The following SBF2 variants were observed in gnomAD, a reference collection of about 807,000 sequenced individuals.
SBF2 encodes the protein myotubularin-related protein 13.
A neutral mutation model predicts 225.2 loss-of-function variants in SBF2; 112 were observed. The observed-to-expected ratio is 0.50, with a 90% CI of 0.43 to 0.58. SBF2 has a LOEUF of 0.58. SBF2 is among the 20% of genes least tolerant of loss of function. The pLI, the probability that SBF2 is intolerant of heterozygous loss-of-function variation, is 0.00. For synonymous variants in SBF2, 763 were observed against 773.3 expected (o/e 0.99, Z 0.22); for missense variants, 1,996 against 2,206.2 (o/e 0.90, Z 1.91).
chr11:10,177,476 T>A (rs924597224), intron 2 of SBF2, among the ~76,000 whole-genome samples: 3 of 150,606 alleles, frequency 2.0e-5, no homozygotes, highest in African/African-American at 7.4e-5. Flanking sequence ...CTTAAGCTGA[T>A]AAGCAACTTC....
chr11:9,816,745 A>C, intron 29 of SBF2, 95 bp downstream of exon 29: 1 of 1,215,358 alleles, frequency 8.2e-7, no homozygotes, highest in Non-Finnish European at 1.2e-6. Context: ...ATCATGCTGT[A>C]AAAAAAATTC....
At chr11:9,826,574 T>C (rs560141178) in intron 28 of SBF2, among the ~76,000 whole-genome samples, 1 of 152,068 alleles carries the variant, frequency 6.6e-6, no homozygotes, top group East Asian at 1.9e-4. Context: ...AGGGCCAATA[T>C]GTAAAAGTGG....
intron 1 of SBF2, among the ~76,000 whole-genome samples, chr11:10,276,099 G>C (rs150939131): frequency 1.5e-3 from 229 of 152,116 alleles, no homozygotes; most frequent in African/African-American, 5.4e-3. Context: ...TTACTGATGA[G>C]GGGAAAAATT....
At chr11:9,860,110 G>A (rs1273153752) in intron 17 of SBF2, among the ~76,000 whole-genome samples, 1 of 152,132 alleles carries the variant, frequency 6.6e-6, no homozygotes, top group East Asian at 1.9e-4. Context: ...GTAAGCAGAA[G>A]CCACACACAC....
At chr11:9,813,534 C>T (rs1590142130) in intron 29 of SBF2, among the ~76,000 whole-genome samples, 3 of 151,890 alleles carry the variant, frequency 2.0e-5, no homozygotes. Flanking sequence ...CACCATGTTG[C>T]CCAGGATGGT....
At position 9,832,230 on chromosome 11, in the gene SBF2, G is replaced by C. The variant is rs12574508; in HGVS notation, c.3646C>G (p.Gln1216Glu). 0.1 allele frequency: 168,192 copies of C among 1,612,902 alleles called. 9,267 individuals are homozygous for C. Among genetic ancestry groups the C allele is most frequent in the East Asian group, 0.15 (6,912 of 44,870 alleles). Residue 1216 changes from glutamine (Q) to glutamate (E), a missense_variant, in exon 27 of 40, where the codon CAG (glutamine) becomes GAG (glutamate). Gln to Glu is a conservative substitution (Grantham distance 29). Coordinates refer to ENST00000256190, the MANE Select transcript of SBF2 (RefSeq NM_030962.4). ...GTTATAGAGAGATGCTTACCGGCCT[G>C]AGGGGAGTTCTGAGATTTGAAAAGA... ...VGLFKSQNSP[Q>E]AAPTSSLESS...
At chr11:9,882,887 C>A (rs1324945647) in intron 17 of SBF2, among the ~76,000 whole-genome samples, 1 of 150,466 alleles carries the variant, frequency 6.6e-6, no homozygotes, top group Non-Finnish European at 1.5e-5. Context: ...TACTTCACTA[C>A]AAACTTAATA....
At chr11:9,923,120 TC>T (rs1863761918) in intron 16 of SBF2, among the ~76,000 whole-genome samples, 1 of 152,028 alleles carries the variant, frequency 6.6e-6, no homozygotes, top group South Asian at 2.1e-4. Flanking sequence ...CCTGCCAAAC[TC>T]CCTTTTAAAA....
At chr11:10,055,404 G>C (rs139576700) in intron 2 of SBF2, among the ~76,000 whole-genome samples, 1 of 151,960 alleles carries the variant, frequency 6.6e-6, no homozygotes, top group Non-Finnish European at 1.5e-5. Context: ...AAAAGGAAAA[G>C]AATTCAGTAT....
intron 16 of SBF2, among the ~76,000 whole-genome samples, chr11:9,955,888 CA>C (rs2134340492): frequency 6.6e-6 from 1 of 151,996 alleles, no homozygotes; most frequent in East Asian, 1.9e-4. Context: ...ATACTTTTAC[CA>C]CGTATGTTTG....
chr11:10,153,527 C>T (rs978912145), intron 2 of SBF2, among the ~76,000 whole-genome samples: 7 of 151,944 alleles, frequency 4.6e-5, no homozygotes, highest in East Asian at 1.9e-4. Flanking sequence ...GTTAAAGCAG[C>T]GCTTAAAGAT....
intron 13 of SBF2, among the ~76,000 whole-genome samples, chr11:9,978,056 T>TAG (rs2134421517): frequency 1.3e-5 from 2 of 152,312 alleles, no homozygotes; most frequent in South Asian, 4.1e-4. Flanking sequence ...TCAAATTAGA[T>TAG]GGCTGGTTCT....
chr11:9,925,544 G>A (rs562892172), intron 16 of SBF2, among the ~76,000 whole-genome samples: 1 of 152,186 alleles, frequency 6.6e-6, no homozygotes, highest in African/African-American at 2.4e-5. Context: ...CCAAAGCGCT[G>A]GGATTATAGG....
intron 6 of SBF2, among the ~76,000 whole-genome samples, chr11:10,010,159 T>C (rs1948381263): frequency 6.6e-6 from 1 of 152,214 alleles, no homozygotes; most frequent in Admixed American, 6.5e-5. Flanking sequence ...GTCAGATGGA[T>C]AGATTGGAAA....
intron 1 of SBF2, among the ~76,000 whole-genome samples, chr11:10,278,533 C>G (rs993770433): frequency 2.0e-5 from 3 of 152,146 alleles, no homozygotes; most frequent in African/African-American, 7.2e-5. Flanking sequence ...GTAATCCCAG[C>G]ACTTTGGGAG....
chr11:9,925,335 G>A (rs1215295600), intron 16 of SBF2, among the ~76,000 whole-genome samples: 3 of 151,700 alleles, frequency 2.0e-5, no homozygotes, highest in African/African-American at 7.3e-5. Flanking sequence ...GAGTGCAATG[G>A]TGCGTGATCT....
At position 9,787,631 on chromosome 11, in the gene SBF2, C is replaced by T. The variant is rs781447286; in HGVS notation, c.5037+3G>A. On this transcript the variant is annotated splice_donor_region_variant and intron_variant, in intron 36 of 39. Transcript: ENST00000256190. ...TGGCTCTCAAGGGGCATTGCCAACTCACGCGATCTGTTCTTGGTTCTTCTT... is the reference window on the plus strand; with the variant it reads ...TGGCTCTCAAGGGGCATTGCCAACTTACGCGATCTGTTCTTGGTTCTTCTT... 2 of 1,613,784 alleles carry T rather than the reference C, an allele frequency of 1.2e-6. No homozygotes were observed. Among genetic ancestry groups the T allele is most frequent in the East Asian group, 2.2e-5 (1 of 44,886 alleles).
At chr11:9,933,154 T>C (rs894112727) in intron 16 of SBF2, among the ~76,000 whole-genome samples, 2 of 152,044 alleles carry the variant, frequency 1.3e-5, no homozygotes, top group Non-Finnish European at 2.9e-5. Flanking sequence ...CCCAGATTCA[T>C]AAAGCAAGTC....
At chr11:10,252,443 T>C (rs1241594968) in intron 1 of SBF2, among the ~76,000 whole-genome samples, 1 of 152,256 alleles carries the variant, frequency 6.6e-6, no homozygotes, top group Non-Finnish European at 1.5e-5. Context: ...TAGCTAAATC[T>C]TGGCCAATCC....
Sources: allele counts gnomAD v4.1 joint callset (sites outside exome capture counted in the v4.1 genomes callset), GRCh38; gene constraint gnomAD v4.1.1; transcripts MANE v1.5; gene names NCBI Gene and HGNC (gene_info 2026-07-23, HGNC 2026-07-21).